Variants in ZNF503 observed in about 807,000 individuals in gnomAD.
ZNF503 encodes the protein zinc finger protein 503.
In ZNF503, 15 loss-of-function variants were observed where a neutral mutation model predicts 34.4. The ratio of observed to expected loss-of-function variants is 0.44; its 90% CI spans 0.29 to 0.67. The LOEUF is 0.67. Among genes scored for constraint, ZNF503 ranks in the 30% least tolerant of loss-of-function variants. The pLI, the probability that ZNF503 is intolerant of heterozygous loss-of-function variation, is 0.13. For synonymous variants in ZNF503, 580 were observed against 456.8 expected (o/e 1.27, Z -3.44); for missense variants, 1,007 against 926.8 (o/e 1.09, Z -1.12).
the ZNF503 span, among the ~76,000 whole-genome samples, chr10:75,347,255 C>G: frequency 6.6e-6 from 1 of 152,228 alleles, no homozygotes; most frequent in African/African-American, 2.4e-5. Flanking sequence ...ATGTTCATGT[C>G]TCCAGCTAGT....
the ZNF503 span, among the ~76,000 whole-genome samples, chr10:75,309,768 ATT>A: frequency 6.6e-6 from 1 of 151,940 alleles, no homozygotes; most frequent in Non-Finnish European, 1.5e-5. Flanking sequence ...TATATTTTTT[ATT>A]TTGTTGCCTA....
At chr10:75,392,262 AT>A in the ZNF503 span, among the ~76,000 whole-genome samples, 1 of 152,186 alleles carries the variant, frequency 6.6e-6, no homozygotes, top group African/African-American at 2.4e-5. Context: ...ACAGCCCTGT[AT>A]CAGTTTTGGA....
chr10:75,399,080 C>A lies in ZNF503; in HGVS notation c.1610G>T (p.Ser537Ile). 1 of 1,613,646 alleles carries A rather than the reference C, an allele frequency of 6.2e-7. No homozygotes were observed. ...KRFATSEELL[S>I]HLRTHTAFPG... is the part of the protein sequence containing the mutation. The stretch of plus-strand genomic sequence containing the variant: ...AAATGCCGTATGGGTCCGCAAGTGG[C>A]TCAGCAGCTCTTCGGACGTGGCGAA... Residue 537 changes from serine (S) to isoleucine (I), a missense_variant, in exon 2 of 2, where the codon AGC becomes ATC. Transcript: ENST00000372524.
the ZNF503 span, among the ~76,000 whole-genome samples, chr10:75,306,533 A>G: frequency 5.9e-5 from 9 of 152,216 alleles, no homozygotes; most frequent in Admixed American, 2.0e-4. Context: ...TCTGATGCAT[A>G]GAAGTTTTTA....
chr10:75,365,057 C>T, the ZNF503 span, among the ~76,000 whole-genome samples: 1 of 152,214 alleles, frequency 6.6e-6, no homozygotes, highest in Non-Finnish European at 1.5e-5. Flanking sequence ...CTGAGACAGA[C>T]CATGGGCCCA....
At chr10:75,318,000 AATACATAC>A in the ZNF503 span, among the ~76,000 whole-genome samples, 88 of 150,514 alleles carry the variant, frequency 5.8e-4, 1 homozygote, top group South Asian at 2.1e-4. Flanking sequence ...TGTCTCAACA[AATACATAC>A]ATACATACAT....
At chr10:75,292,859 C>T in the ZNF503 span, among the ~76,000 whole-genome samples, 2 of 152,196 alleles carry the variant, frequency 1.3e-5, no homozygotes, top group African/African-American at 2.4e-5. Context: ...CCTACCTCCT[C>T]GTTCTTCTGT....
Position 75,401,456 on chromosome 10 carries a change from G to A in ZNF503, c.-37C>T. On this transcript the variant is annotated 5_prime_UTR_variant, in exon 1 of 2. Transcript: ENST00000372524. Reference sequence around the variant, plus strand: ...GCGCATGGGAGCAGCGGGGGGGAGGGCTCCGGGAGGCGCGGGGCGGGCTCG... The same window carrying A: ...GCGCATGGGAGCAGCGGGGGGGAGGACTCCGGGAGGCGCGGGGCGGGCTCG... The A allele has an allele frequency of 1.3e-6, 2 of 1,509,064 alleles. No homozygotes were observed. Among genetic ancestry groups the A allele is most frequent in the Non-Finnish European group, 1.8e-6 (2 of 1,136,672 alleles). The allele number at this position is 1,509,064 out of a possible 1,614,324, so 93.5% of individuals were successfully genotyped here.
At chr10:75,333,086 C>T in the ZNF503 span, among the ~76,000 whole-genome samples, 11 of 144,306 alleles carry the variant, frequency 7.6e-5, no homozygotes, top group African/African-American at 1.8e-4. Flanking sequence ...CCAGACGGGG[C>T]GGCTGGCCGG....
At chr10:75,331,549 A>G in the ZNF503 span, among the ~76,000 whole-genome samples, 3 of 152,204 alleles carry the variant, frequency 2.0e-5, no homozygotes, top group East Asian at 5.8e-4. Context: ...CCTGGGCTCA[A>G]GTGATTCTCC....
At chr10:75,351,139 T>G in the ZNF503 span, among the ~76,000 whole-genome samples, 1 of 122,142 alleles carries the variant, frequency 8.2e-6, no homozygotes, top group Non-Finnish European at 1.9e-5. Context: ...CCATCAGAAG[T>G]CAGCCTAATG....
At chr10:75,322,122 C>A in the ZNF503 span, among the ~76,000 whole-genome samples, 2 of 127,400 alleles carry the variant, frequency 1.6e-5, no homozygotes, top group Admixed American at 1.7e-4. Flanking sequence ...TATTTACCAC[C>A]ACCAATTTTT....
At chr10:75,359,418 A>C in the ZNF503 span, among the ~76,000 whole-genome samples, 39 of 152,358 alleles carry the variant, frequency 2.6e-4, no homozygotes, top group South Asian at 7.9e-3. Context: ...TAAGCATTTC[A>C]TGCCTTAGGA....
At chr10:75,325,935 TAC>T in the ZNF503 span, among the ~76,000 whole-genome samples, 1 of 152,032 alleles carries the variant, frequency 6.6e-6, no homozygotes, top group Non-Finnish European at 1.5e-5. Flanking sequence ...CATAGCTCAC[TAC>T]AGTCTTCAAC....
the ZNF503 span, among the ~76,000 whole-genome samples, chr10:75,331,644 C>T: frequency 1.3e-5 from 2 of 152,004 alleles, no homozygotes; most frequent in African/African-American, 4.8e-5. Flanking sequence ...GATGGGGTCT[C>T]ATTTGCTTCT....
the ZNF503 span, among the ~76,000 whole-genome samples, chr10:75,312,959 T>A: frequency 6.6e-6 from 1 of 152,170 alleles, no homozygotes; most frequent in South Asian, 2.1e-4. Context: ...GTTTTATAAA[T>A]GGGAGTTCCC....
chr10:75,348,972 C>G, the ZNF503 span, among the ~76,000 whole-genome samples: 1 of 152,246 alleles, frequency 6.6e-6, no homozygotes, highest in East Asian at 1.9e-4. Flanking sequence ...CTCTCTCTCT[C>G]TCTCCCTTCC....
At chr10:75,371,765 C>G in the ZNF503 span, among the ~76,000 whole-genome samples, 2 of 152,124 alleles carry the variant, frequency 1.3e-5, no homozygotes, top group Non-Finnish European at 2.9e-5. Context: ...GTGGGGTGGT[C>G]TCTGAGCAGA....
chr10:75,328,769 G>T, the ZNF503 span, among the ~76,000 whole-genome samples: 1 of 121,876 alleles, frequency 8.2e-6, no homozygotes, highest in Admixed American at 9.1e-5. Context: ...TTTTTGAGAC[G>T]AAGTCTCGCT....
Sources: gnomAD v4.1 joint callset for allele counts (sites outside exome capture counted in the v4.1 genomes callset) on GRCh38, gnomAD v4.1.1 for gene constraint, MANE v1.5 for transcripts, NCBI Gene and HGNC (gene_info 2026-07-23, HGNC 2026-07-21) for gene names.